Variants in ZNF804A observed in about 807,000 individuals in gnomAD.
The protein encoded by ZNF804A is zinc finger protein 804A.
A neutral mutation model predicts 16.5 loss-of-function variants in ZNF804A; 2 were observed. That is an observed-to-expected ratio of 0.12 (90% CI 0.05 to 0.38). The LOEUF is 0.38. ZNF804A is among the 10% of genes least tolerant of loss of function. The pLI is 0.99. For missense variants in ZNF804A, 1,473 were observed against 1,390.7 expected (o/e 1.06, Z -0.94); for synonymous variants, 534 against 489.6 (o/e 1.09, Z -1.20).
intron 1 of ZNF804A, among the ~76,000 whole-genome samples, chr2:184,719,316 T>C (rs1693267519): frequency 1.3e-5 from 2 of 151,622 alleles, no homozygotes; most frequent in South Asian, 4.2e-4. Flanking sequence ...TTCAGGCCTG[T>C]AATGGGAGGG....
intron 1 of ZNF804A, among the ~76,000 whole-genome samples, chr2:184,774,600 T>C (rs1393118942): frequency 2.0e-5 from 3 of 151,966 alleles, no homozygotes; most frequent in African/African-American, 4.8e-5. Context: ...TTTCTCCATC[T>C]GTGGCAGAAT....
At chr2:184,648,527 G>C (rs976270623) in intron 1 of ZNF804A, among the ~76,000 whole-genome samples, 1 of 152,068 alleles carries the variant, frequency 6.6e-6, no homozygotes, top group Non-Finnish European at 1.5e-5. Flanking sequence ...CCCATAATCT[G>C]TTGTCTTCAA....
At chr2:184,638,894 G>A (rs969045071) in intron 1 of ZNF804A, among the ~76,000 whole-genome samples, 6 of 151,954 alleles carry the variant, frequency 3.9e-5, no homozygotes, top group African/African-American at 1.5e-4. Context: ...ATTCCCGTAA[G>A]GTTGATATAG....
intron 1 of ZNF804A, among the ~76,000 whole-genome samples, chr2:184,788,705 G>GTCAA (rs1303410435): frequency 1.3e-5 from 2 of 152,050 alleles, no homozygotes; most frequent in Non-Finnish European, 2.9e-5. Flanking sequence ...CTTTACTGAA[G>GTCAA]TCAATCATCA....
chr2:184,862,813 T>C (rs1041948108), intron 1 of ZNF804A, among the ~76,000 whole-genome samples: 1 of 152,128 alleles, frequency 6.6e-6, no homozygotes, highest in Non-Finnish European at 1.5e-5. Context: ...AATTTTGTTT[T>C]GAACAACCTA....
At chr2:184,778,939 G>A (rs1694332608) in intron 1 of ZNF804A, among the ~76,000 whole-genome samples, 2 of 151,560 alleles carry the variant, frequency 1.3e-5, no homozygotes, top group Admixed American at 1.3e-4. Flanking sequence ...TTATTTTTTG[G>A]AGTCAGTTGA....
chr2:184,738,058 G>A (rs148151590), intron 1 of ZNF804A, among the ~76,000 whole-genome samples: 2,048 of 151,418 alleles, frequency 0.014, 57 homozygotes, highest in African/African-American at 0.047. Context: ...CCTGGGAGGC[G>A]GAGGGTGCAG....
chr2:184,659,609 A>T (rs918493939), intron 1 of ZNF804A, among the ~76,000 whole-genome samples: 1 of 152,178 alleles, frequency 6.6e-6, no homozygotes, highest in African/African-American at 2.4e-5. Context: ...TCTCATATAT[A>T]CATGAATTGT....
At chr2:184,703,631 A>G (rs1692965077) in intron 1 of ZNF804A, among the ~76,000 whole-genome samples, 1 of 135,060 alleles carries the variant, frequency 7.4e-6, no homozygotes, top group Non-Finnish European at 1.5e-5. Flanking sequence ...TGGAGCTTGC[A>G]GTGAGCCGAG....
chr2:184,897,199 A>G (rs2105825258), intron 2 of ZNF804A, among the ~76,000 whole-genome samples: 1 of 152,254 alleles, frequency 6.6e-6, no homozygotes, highest in African/African-American at 2.4e-5. Flanking sequence ...AAGAAAAACC[A>G]CAGAGGAAAA....
chr2:184,760,953 C>T (rs1425700522), intron 1 of ZNF804A, among the ~76,000 whole-genome samples: 1 of 152,084 alleles, frequency 6.6e-6, no homozygotes, highest in Non-Finnish European at 1.5e-5. Context: ...GCATATCTAA[C>T]TGTTAGCTAC....
At chr2:184,653,412 C>T (rs1192942549) in intron 1 of ZNF804A, among the ~76,000 whole-genome samples, 8 of 152,104 alleles carry the variant, frequency 5.3e-5, no homozygotes, top group Admixed American at 5.2e-4. Context: ...AACATCAGTT[C>T]TCGCCTCCTC....
intron 3 of ZNF804A, among the ~76,000 whole-genome samples, chr2:184,934,388 T>C (rs1685752130): frequency 6.6e-6 from 1 of 152,148 alleles, no homozygotes; most frequent in South Asian, 2.1e-4. Flanking sequence ...CTCCAATCAA[T>C]AAAGCCTCTC....
At chr2:184,866,718 T>G (rs1033889538) in intron 2 of ZNF804A, among the ~76,000 whole-genome samples, 5 of 150,876 alleles carry the variant, frequency 3.3e-5, no homozygotes, top group Non-Finnish European at 7.4e-5. Context: ...AATAGCAAAG[T>G]CTGAAATAAT....
intron 1 of ZNF804A, among the ~76,000 whole-genome samples, chr2:184,631,930 A>G (rs1023563815): frequency 1.3e-5 from 2 of 152,222 alleles, no homozygotes; most frequent in African/African-American, 4.8e-5. Context: ...TCAAACAGAA[A>G]TATTCCTATA....
intron 1 of ZNF804A, among the ~76,000 whole-genome samples, chr2:184,767,629 C>A (rs1395595771): frequency 6.6e-6 from 1 of 151,990 alleles, no homozygotes; most frequent in Non-Finnish European, 1.5e-5. Flanking sequence ...ACAAAAGTCA[C>A]CACTCACTTT....
chr2:184,892,287 T>C (rs1412309534), intron 2 of ZNF804A, among the ~76,000 whole-genome samples: 1 of 152,046 alleles, frequency 6.6e-6, no homozygotes, highest in African/African-American at 2.4e-5. Flanking sequence ...ATACCAAACT[T>C]TGTTCAGTAA....
At chr2:184,785,378 A>G (rs1419381875) in intron 1 of ZNF804A, among the ~76,000 whole-genome samples, 1 of 152,062 alleles carries the variant, frequency 6.6e-6, no homozygotes, top group Non-Finnish European at 1.5e-5. Context: ...TACTAATAAA[A>G]TCCAACCACA....
chr2:184,829,921 AACAAAAAC>A lies in ZNF804A; in HGVS notation c.112-36446_112-36439del, dbSNP rs1558974937. 3.6e-3 allele frequency among the ~76,000 whole-genome samples: 336 copies of A among 92,204 alleles called. 32 individuals are homozygous for A. The highest frequency in any genetic ancestry group is 0.013 in the African/African-American group (179 of 13,980). 60.5% of individuals were successfully genotyped at this position (92,204 alleles called of 152,430 possible). On this transcript the variant is annotated intron_variant, in intron 1 of 3. Coordinates refer to ENST00000302277, the MANE Select transcript of ZNF804A (RefSeq NM_194250.2). Reference sequence around the variant, plus strand: ...TACCAAAAAAAAAAAAAAAAAAAAAAACAAAAACAAAAAAAAAAAAACCACACACACAC... The same window carrying A: ...TACCAAAAAAAAAAAAAAAAAAAAAAAAAAAAAAAAAAACCACACACACAC...
Sources: gnomAD v4.1 joint callset for allele counts (sites outside exome capture counted in the v4.1 genomes callset) on GRCh38, gnomAD v4.1.1 for gene constraint, MANE v1.5 for transcripts, NCBI Gene and HGNC (gene_info 2026-07-23, HGNC 2026-07-21) for gene names.